Variants in HMG20A observed in about 807,000 individuals in gnomAD.
HMG20A encodes high mobility group protein 20A.
HMG20A carries 17 observed loss-of-function variants against 43.9 expected under a neutral mutation model. The ratio of observed to expected loss-of-function variants is 0.39; its 90% confidence interval spans 0.27 to 0.58. HMG20A has a LOEUF of 0.58. Ranked by LOEUF, HMG20A falls within the 20% of genes least tolerant of loss-of-function variation. The pLI, the probability that HMG20A is intolerant of heterozygous loss-of-function variation, is 0.59. For synonymous variants in HMG20A, 132 were observed against 147.5 expected, an observed-to-expected ratio of 0.89 and a Z score of 0.76; for missense variants, 341 against 438.2, an observed-to-expected ratio of 0.78 and a Z score of 1.98.
intron 1 of HMG20A, among the ~76,000 whole-genome samples, chr15:77,432,230 G>A (rs1010985238): frequency 6.6e-6 from 1 of 152,014 alleles, no homozygotes; most frequent in Non-Finnish European, 1.5e-5. Flanking sequence ...TTACAACAGC[G>A]TGATTATGAA....
At chr15:77,460,440 G>A (rs2072694961) in intron 2 of HMG20A, among the ~76,000 whole-genome samples, 1 of 152,190 alleles carries the variant, frequency 6.6e-6, no homozygotes. Flanking sequence ...GGAGGGAATT[G>A]TAGGAGCTCA....
chr15:77,517,749 A>G, the HMG20A span, among the ~76,000 whole-genome samples: 1 of 151,950 alleles, frequency 6.6e-6, no homozygotes, highest in Non-Finnish European at 1.5e-5. Context: ...GTCATGGGGC[A>G]AATGGGCACT....
At chr15:77,487,865 A>G (rs1250629560), downstream of HMG20A, among the ~76,000 whole-genome samples, 1 of 151,298 alleles carries the variant, frequency 6.6e-6, no homozygotes, top group African/African-American at 2.4e-5. Flanking sequence ...GGATATAAGC[A>G]GTAGTTTATA....
chr15:77,514,857 T>A, the HMG20A span, among the ~76,000 whole-genome samples: 1 of 152,026 alleles, frequency 6.6e-6, no homozygotes, highest in Non-Finnish European at 1.5e-5. Context: ...CAGCTCGGGG[T>A]GGCGGTGGCT....
chr15:77,463,557 C>T (rs911470665), intron 2 of HMG20A, among the ~76,000 whole-genome samples: 6 of 152,154 alleles, frequency 3.9e-5, no homozygotes, highest in Non-Finnish European at 8.8e-5. Context: ...AAGATAAGTC[C>T]ATCTAAGACC....
the HMG20A span, among the ~76,000 whole-genome samples, chr15:77,513,732 C>CTTTTTT: frequency 7.0e-6 from 1 of 143,182 alleles, no homozygotes. Context: ...TCACTACCTC[C>CTTTTTT]TTTTTTTTTT....
chr15:77,457,922 A>C (rs2072669745), intron 1 of HMG20A, among the ~76,000 whole-genome samples: 1 of 152,138 alleles, frequency 6.6e-6, no homozygotes, highest in African/African-American at 2.4e-5. Context: ...ATAATACTCA[A>C]TGCACTTACT....
At chr15:77,443,463 C>G (rs1347506412) in intron 1 of HMG20A, among the ~76,000 whole-genome samples, 1 of 149,396 alleles carries the variant, frequency 6.7e-6, no homozygotes, top group Non-Finnish European at 1.5e-5. Flanking sequence ...ACGATCTCAC[C>G]TCACTGCAAC....
chr15:77,453,823 G>A (rs750611897), intron 1 of HMG20A, among the ~76,000 whole-genome samples: 4 of 151,974 alleles, frequency 2.6e-5, no homozygotes, highest in Non-Finnish European at 5.9e-5. Flanking sequence ...GACACAAAAG[G>A]CCACATATTG....
At chr15:77,482,803 A>G (rs1048963476) in intron 9 of HMG20A, 167 bp from the exon 10 acceptor site, 1 of 152,116 alleles carries the variant, frequency 6.6e-6, no homozygotes, top group Non-Finnish European at 1.5e-5. Context: ...TTACAGCTTT[A>G]TGAGTTCTTC....
rs576920554 is a variant in HMG20A at position 77,443,379 on chromosome 15, G to GATGATGATTATTATT, written c.-4-15023_-4-15022insGATGATTATTATTAT. Reference sequence around the variant, plus strand: ...TGATGATGATGATGATGATGATGATGATTATTATTATTATTATTATTATTA... The same window carrying GATGATGATTATTATT: ...TGATGATGATGATGATGATGATGATGATGATGATTATTATTATTATTATTATTATTATTATTATTA... On this transcript the variant is annotated intron_variant, in intron 1 of 9. Transcript: ENST00000336216. Among the ~76,000 whole-genome samples the GATGATGATTATTATT allele has an allele frequency of 6.2e-4, 81 of 131,314 alleles. 1 individual carries two copies. The highest frequency in any genetic ancestry group is 1.5e-3 in the African/African-American group (52 of 35,334). The allele number at this position is 131,314 out of a possible 152,430, so 86.1% of individuals were successfully genotyped here.
chr15:77,461,933 C>T (rs2072708779), intron 2 of HMG20A, among the ~76,000 whole-genome samples: 1 of 152,144 alleles, frequency 6.6e-6, no homozygotes, highest in Non-Finnish European at 1.5e-5. Context: ...GATGGTACCT[C>T]TTTTCAGAGA....
the HMG20A span, among the ~76,000 whole-genome samples, chr15:77,511,460 T>C: frequency 2.6e-5 from 4 of 152,150 alleles, no homozygotes; most frequent in East Asian, 5.8e-4. Flanking sequence ...GCAGGGGAAA[T>C]AGAGCACTTG....
chr15:77,436,085 G>C (rs1436465211), intron 1 of HMG20A, among the ~76,000 whole-genome samples: 1 of 152,126 alleles, frequency 6.6e-6, no homozygotes, highest in Non-Finnish European at 1.5e-5. Context: ...AGTACAACTT[G>C]ATATTTTATC....
At chr15:77,471,664 A>G (rs2072809604) in intron 5 of HMG20A, 119 bp from the exon 6 acceptor site, 1 of 682,300 alleles carries the variant, frequency 1.5e-6, no homozygotes, top group Non-Finnish European at 2.6e-6. Flanking sequence ...GAAAAATATC[A>G]TATGTTATGA....
intron 1 of HMG20A, among the ~76,000 whole-genome samples, chr15:77,455,584 T>A (rs76432669): frequency 0.017 from 2,625 of 152,170 alleles, 84 homozygotes; most frequent in African/African-American, 0.06. Flanking sequence ...CTCTACTAGG[T>A]AACATCTGCA....
intron 9 of HMG20A, among the ~76,000 whole-genome samples, chr15:77,481,205 C>T (rs1220469058): frequency 1.3e-5 from 2 of 152,176 alleles, no homozygotes; most frequent in African/African-American, 4.8e-5. Context: ...TAGCCTCAGC[C>T]ATGCTCTGAT....
intron 1 of HMG20A, among the ~76,000 whole-genome samples, chr15:77,456,344 A>G (rs1174789236): frequency 1.3e-5 from 2 of 152,098 alleles, no homozygotes; most frequent in African/African-American, 4.8e-5. Flanking sequence ...CTGAATCTCA[A>G]GGTTCTTGAA....
chr15:77,428,221 C>T (rs1377688910), intron 1 of HMG20A, among the ~76,000 whole-genome samples: 1 of 152,178 alleles, frequency 6.6e-6, no homozygotes, highest in African/African-American at 2.4e-5. Context: ...CTTCTGTGTT[C>T]TCCCTGATGA....
Sources: allele counts gnomAD v4.1 joint callset (sites outside exome capture counted in the v4.1 genomes callset), GRCh38; gene constraint gnomAD v4.1.1; transcripts MANE v1.5; gene names NCBI Gene and HGNC (gene_info 2026-07-23, HGNC 2026-07-21).